HIPK2: variants seen among roughly 807,000 people sequenced by gnomAD.
The protein encoded by HIPK2 is homeodomain interacting protein kinase 2.
Under a neutral mutation model 113.7 loss-of-function variants are expected in HIPK2, and 27 were observed. The ratio of observed to expected loss-of-function variants is 0.24; its 90% CI spans 0.17 to 0.33. The LOEUF is 0.33. HIPK2 is among the 10% of genes least tolerant of loss of function. The pLI, the probability that HIPK2 is intolerant of heterozygous loss-of-function variation, is 1.00. For synonymous variants in HIPK2, 631 were observed against 642.2 expected (o/e 0.98, Z 0.26); for missense variants, 1,257 against 1,588.0 (o/e 0.79, Z 3.54).
intron 6 of HIPK2, 129 bp downstream of exon 6, chr7:139,626,469 GGCT>G (rs1366092701): frequency 2.3e-6 from 2 of 874,152 alleles, no homozygotes; most frequent in Non-Finnish European, 1.8e-6. Flanking sequence ...TTGCATCTGT[GGCT>G]GCTTTCAGCT....
At chr7:139,582,505 T>C (rs889489522) in intron 13 of HIPK2, among the ~76,000 whole-genome samples, 1 of 152,194 alleles carries the variant, frequency 6.6e-6, no homozygotes, top group Non-Finnish European at 1.5e-5. Flanking sequence ...GACGGTACTG[T>C]TGGGGACAGA....
Position 139,716,522 on chromosome 7 carries a change from G to A in HIPK2, c.513C>T (p.Ala171=). ...TGTTGGAGCCGCTGTTTTTGGAGGTGGCAGTAGACGTGGTGGCAGTGGCGA... is the reference window on the plus strand; with the variant it reads ...TGTTGGAGCCGCTGTTTTTGGAGGTAGCAGTAGACGTGGTGGCAGTGGCGA... ...ATVATATTST[A]TSKNSGSNSE... Residue 171 remains alanine (A), a synonymous_variant, in exon 2 of 15, where the codon GCC becomes GCT. Transcript: ENST00000406875. The surrounding 1 kb of genome is among the most constrained non-coding windows in gnomAD (Gnocchi z 9.3). 1.9e-6 allele frequency: 3 copies of A among 1,614,018 alleles called. No homozygotes were observed. Among genetic ancestry groups the A allele is most frequent in the Non-Finnish European group, 1.7e-6 (2 of 1,179,892 alleles).
chr7:139,667,251 A>G (rs1802081186), intron 2 of HIPK2, among the ~76,000 whole-genome samples: 1 of 152,190 alleles, frequency 6.6e-6, no homozygotes, highest in African/African-American at 2.4e-5. Flanking sequence ...TCCACCAATT[A>G]TTAATATTCC....
intron 2 of HIPK2, among the ~76,000 whole-genome samples, chr7:139,656,467 A>G (rs752683175): frequency 6.6e-5 from 10 of 151,856 alleles, no homozygotes; most frequent in African/African-American, 9.7e-5. Context: ...TTTCTTCTTT[A>G]TTCTCAATGC....
intron 1 of HIPK2, among the ~76,000 whole-genome samples, chr7:139,731,167 A>G (rs527804692): frequency 6.6e-6 from 1 of 152,326 alleles, no homozygotes; most frequent in South Asian, 2.1e-4. Flanking sequence ...GCATGTCTGT[A>G]CTCAAGCTAT....
At chr7:139,737,978 C>A (rs1466036555) in intron 1 of HIPK2, among the ~76,000 whole-genome samples, 1 of 152,316 alleles carries the variant, frequency 6.6e-6, no homozygotes, top group South Asian at 2.1e-4. Flanking sequence ...TCAACCTGGG[C>A]TCCAGGGCCC....
rs1585227110 is a variant in HIPK2 at position 139,575,229 on chromosome 7, T to C, written c.3025A>G (p.Thr1009Ala). 1 of 1,582,222 alleles carries C rather than the reference T, an allele frequency of 6.3e-7. No individual in the cohort carries two copies. The highest frequency in any genetic ancestry group is 8.6e-7 in the Non-Finnish European group (1 of 1,164,252). The change falls in exon 14 of 15, where the codon ACC becomes GCC. Residue 1009 changes from threonine (T) to alanine (A), a missense_variant. By Grantham distance (58) the Thr-to-Ala change is moderately conservative. Transcript: ENST00000406875. Reference sequence around the variant, plus strand: ...GAGCTCCCTGAAGAGTGACCGCTGGTGGAGGTCACGTTGCTGGAGGACTTG... The same window carrying C: ...GAGCTCCCTGAAGAGTGACCGCTGGCGGAGGTCACGTTGCTGGAGGACTTG... ...KSKSSSNVTSTSGHSSGSSSG... is the reference protein window; with the variant it reads ...KSKSSSNVTSASGHSSGSSSG...
chr7:139,603,678 C>T (rs1799517932), intron 10 of HIPK2, among the ~76,000 whole-genome samples: 1 of 152,148 alleles, frequency 6.6e-6, no homozygotes, highest in South Asian at 2.1e-4. Context: ...AGAACACTTT[C>T]TAGAATTGCT....
At position 139,680,458 on chromosome 7, in the gene HIPK2, T is replaced by C. The variant is rs150850073; in HGVS notation, c.1103+35474A>G. On this transcript the variant is annotated intron_variant, in intron 2 of 14. Coordinates refer to ENST00000406875, the MANE Select transcript of HIPK2 (RefSeq NM_022740.5). ...ACGTCACTGGCTTTAATTCTTTCCT[T>C]ACCAGGTGCCTTGGGTTTTGAGGGG... is the stretch of plus-strand genomic sequence containing the variant. Among the ~76,000 whole-genome samples, 195 of 152,322 alleles carry C rather than the reference T, an allele frequency of 1.3e-3. 1 individual carries two copies. The highest frequency in any genetic ancestry group is 4.5e-3 in the African/African-American group (189 of 41,572).
At chr7:139,712,730 C>T (rs976965432) in intron 2 of HIPK2, among the ~76,000 whole-genome samples, 3 of 152,202 alleles carry the variant, frequency 2.0e-5, no homozygotes, top group Non-Finnish European at 4.4e-5. Context: ...AGAGGCAAAG[C>T]CACCAGGAAA....
At position 139,777,777 on chromosome 7, in the gene HIPK2, T is replaced by A. The variant is rs1360608753; in HGVS notation, c.-154A>T. ...CCCGCGCCCGCATCACCGCCTCCCGTGGCCGGCGCCGGGGGAGGGGGCCGG... is the reference window on the plus strand; with the variant it reads ...CCCGCGCCCGCATCACCGCCTCCCGAGGCCGGCGCCGGGGGAGGGGGCCGG... On this transcript the variant is annotated 5_prime_UTR_variant, in exon 1 of 15. Transcript: ENST00000406875. The A allele has an allele frequency of 2.3e-6, 1 of 440,466 alleles. No individual in the cohort carries two copies. The highest frequency in any genetic ancestry group is 2.9e-6 in the Non-Finnish European group (1 of 342,468). The allele number at this position is 440,466 out of a possible 1,614,324, so 27.3% of individuals were successfully genotyped here.
In HIPK2 at chr7:139,563,546, AATGAACAAAAGGCAATTTCT is replaced by A; in HGVS notation, c.*9361_*9380del. The A allele has an allele frequency of 3.3e-6, 1 of 305,464 alleles. No individual in the cohort carries two copies. Among genetic ancestry groups the A allele is most frequent in the Non-Finnish European group, 5.9e-6 (1 of 168,586 alleles). The allele number at this position is 305,464 out of a possible 1,614,324, so 18.9% of individuals were successfully genotyped here. A position where few individuals can be genotyped will look rare whatever the true frequency, so the allele number is the denominator to read the frequency against. On this transcript the variant is annotated 3_prime_UTR_variant, in exon 15 of 15. Coordinates refer to ENST00000406875, the MANE Select transcript of HIPK2 (RefSeq NM_022740.5). Reference sequence around the variant, plus strand: ...TCAGATACAACATACTTACTTTTCAAATGAACAAAAGGCAATTTCTATGTTTTAAAAATATAAGCCCCAAA... The same window carrying A: ...TCAGATACAACATACTTACTTTTCAAATGTTTTAAAAATATAAGCCCCAAA...
intron 12 of HIPK2, among the ~76,000 whole-genome samples, chr7:139,586,322 A>C (rs1798829907): frequency 6.6e-6 from 1 of 152,192 alleles, no homozygotes. Context: ...ACATTCTCAA[A>C]GGATTGGAAA....
intron 9 of HIPK2, among the ~76,000 whole-genome samples, chr7:139,609,921 A>G (rs1245685342): frequency 6.6e-6 from 1 of 152,228 alleles, no homozygotes; most frequent in Admixed American, 6.5e-5. Flanking sequence ...GTGTGCATCA[A>G]CTTATTTAAC....
At chr7:139,662,554 ACAAGCCTGTCCCTAGCTGTCTCTCCT>A (rs1487944011) in intron 2 of HIPK2, among the ~76,000 whole-genome samples, 6 of 151,966 alleles carry the variant, frequency 3.9e-5, no homozygotes, top group Non-Finnish European at 8.8e-5. Flanking sequence ...CCAGGGGTGT[ACAAGCCTGTCCCTAGCTGTCTCTCCT>A]GTGTACGACT....
intron 10 of HIPK2, among the ~76,000 whole-genome samples, chr7:139,603,506 G>T (rs1029192845): frequency 5.3e-5 from 8 of 152,122 alleles, no homozygotes; most frequent in Admixed American, 2.0e-4. Context: ...CGCCTCTGGG[G>T]TGTGTGGGAA....
chr7:139,573,421 AGACGTCAGGGGCC>A (rs779916204), intron 14 of HIPK2, 24 bp from the exon 15 acceptor site: 8 of 1,597,012 alleles, frequency 5.0e-6, no homozygotes, highest in Non-Finnish European at 6.8e-6. Flanking sequence ...GCACCAAGAG[AGACGTCAGGGGCC>A]GACACATGGG....
chr7:139,605,790 G>C (rs1370693962), intron 9 of HIPK2, among the ~76,000 whole-genome samples: 1 of 152,178 alleles, frequency 6.6e-6, no homozygotes, highest in Admixed American at 6.5e-5. Flanking sequence ...AATGAAAGAA[G>C]CAACTCTACC....
At chr7:139,597,309 C>T (rs1045472572) in intron 11 of HIPK2, among the ~76,000 whole-genome samples, 3 of 152,202 alleles carry the variant, frequency 2.0e-5, no homozygotes, top group Non-Finnish European at 4.4e-5. Flanking sequence ...AGATGTCATG[C>T]CAGGATTCCA....
Sources: allele counts gnomAD v4.1 joint callset (sites outside exome capture counted in the v4.1 genomes callset), GRCh38; gene constraint gnomAD v4.1.1; non-coding constraint Gnocchi (gnomAD v3.1); transcripts MANE v1.5; gene names NCBI Gene and HGNC (gene_info 2026-07-23, HGNC 2026-07-21).